The following FOXK2 variants were observed in gnomAD, a reference collection of about 807,000 sequenced individuals.
FOXK2 encodes forkhead box protein K2.
A neutral mutation model predicts 53.3 loss-of-function variants in FOXK2; 24 were observed. The observed-to-expected ratio is 0.45, with a 90% confidence interval of 0.33 to 0.63. The LOEUF is 0.63. FOXK2 is among the 30% of genes least tolerant of loss of function. The pLI is 0.03. For synonymous variants in FOXK2, 505 were observed against 407.1 expected, an observed-to-expected ratio of 1.24 and a Z score of -2.89; for missense variants, 952 against 910.5, an observed-to-expected ratio of 1.05 and a Z score of -0.59.
At chr17:82,520,789 G>C (rs1399146925) in intron 1 of FOXK2, among the ~76,000 whole-genome samples, 1 of 152,232 alleles carries the variant, frequency 6.6e-6, no homozygotes, top group Admixed American at 6.5e-5. Context: ...GCTGTTTCAA[G>C]AGTGCGGTGT....
At chr17:82,584,218 C>T (rs756512375) in intron 6 of FOXK2, 30 bp downstream of exon 6, 4 of 1,554,250 alleles carry the variant, frequency 2.6e-6, no homozygotes, top group African/African-American at 2.7e-5. Flanking sequence ...AGCGAGGGCC[C>T]CAACAGCGTG....
chr17:82,563,869 A>G (rs1303193367), intron 2 of FOXK2, among the ~76,000 whole-genome samples: 1 of 144,080 alleles, frequency 6.9e-6, no homozygotes. Flanking sequence ...CTCCTGCCTT[A>G]GCCTCCTGAG....
intron 8 of FOXK2, chr17:82,593,326 G>C (rs995994264): frequency 6.6e-6 from 1 of 152,122 alleles, no homozygotes; most frequent in Admixed American, 6.5e-5. Context: ...TATTCTGAAA[G>C]GGTACGCAGC....
chr17:82,524,230 A>G (rs1450819219), intron 1 of FOXK2, among the ~76,000 whole-genome samples: 1 of 152,244 alleles, frequency 6.6e-6, no homozygotes, highest in Admixed American at 6.5e-5. Context: ...AGATTTGTCT[A>G]CTAAATTTAA....
At chr17:82,571,060 G>C (rs2044911939) in intron 3 of FOXK2, among the ~76,000 whole-genome samples, 1 of 152,078 alleles carries the variant, frequency 6.6e-6, no homozygotes, top group Admixed American at 6.5e-5. Context: ...GCTTATGCCT[G>C]GGGAGGGGTG....
At chr17:82,555,885 C>CAAAAAAAAAAAAAA (rs71168116) in intron 1 of FOXK2, among the ~76,000 whole-genome samples, 13 of 74,216 alleles carry the variant, frequency 1.8e-4, no homozygotes, top group East Asian at 8.3e-4. Flanking sequence ...GACTCTATCA[C>CAAAAAAAAAAAAAA]AAAAAAAAAA....
At chr17:82,553,326 C>T (rs942896221) in intron 1 of FOXK2, among the ~76,000 whole-genome samples, 8 of 152,232 alleles carry the variant, frequency 5.3e-5, no homozygotes, top group African/African-American at 1.9e-4. Context: ...CAGAAAAGGA[C>T]GTCAGGAGTC....
rs1362489813 is a variant in FOXK2, at chr17:82,519,983, C to G, written c.95C>G (p.Pro32Arg). The change falls in exon 1 of 9, where the codon CCG (proline) becomes CGG (arginine). Residue 32 changes from proline to arginine, a missense_variant. This residue lies in a region of FOXK2 where 163 missense variants were observed against 165.5 expected (regional missense o/e 0.98). Coordinates refer to ENST00000335255, the MANE Select transcript of FOXK2 (RefSeq NM_004514.4). ...GGGGCCGGGGGCGGCGGGTCCCCGC[C>G]GGGCGGCTGGGCCGTGGCGCGCCTG... ...GGGAGGGGSPPGGWAVARLEG... is the reference protein window; with the variant it reads ...GGGAGGGGSPRGGWAVARLEG... 8.3e-6 allele frequency: 11 copies of G among 1,322,426 alleles called. No individual in the cohort carries two copies. The highest frequency in any genetic ancestry group is 1.1e-5 in the Non-Finnish European group (11 of 1,026,620). The allele number at this position is 1,322,426 out of a possible 1,614,324, so 81.9% of individuals were successfully genotyped here.
In FOXK2 at chr17:82,586,139, A is replaced by G. The variant is rs188729988; in HGVS notation, c.1515A>G (p.Ala505=). Residue 505 remains alanine, a synonymous_variant, in exon 7 of 9, where the codon GCA becomes GCG. Transcript: ENST00000335255. ...TVSGQAVVTP[A]AVLAPPKAEA... ...CTGGACAAGCTGTGGTCACCCCGGC[A>G]GCCGTGCTGGCCCCTCCTAAGGCAG... 1.2e-6 allele frequency: 2 copies of G among 1,612,594 alleles called. No individual in the cohort carries two copies.
chr17:82,555,885 C>CAAAAAAAAAA (rs71168116), intron 1 of FOXK2, among the ~76,000 whole-genome samples: 31 of 74,236 alleles, frequency 4.2e-4, no homozygotes, highest in Middle Eastern at 0.01. Context: ...GACTCTATCA[C>CAAAAAAAAAA]AAAAAAAAAA....
In FOXK2 at chr17:82,554,330, A is replaced by C. The variant is rs554165673; in HGVS notation, c.420-9024A>C. ...TGCAACAAAGTCTGGCTTTGTTCCT[A>C]AGGAACCTGTCTTTGGAGTCCTTAG... On this transcript the variant is annotated intron_variant, in intron 1 of 8. Coordinates refer to ENST00000335255, the MANE Select transcript of FOXK2 (RefSeq NM_004514.4). 2.0e-5 allele frequency among the ~76,000 whole-genome samples: 3 copies of C among 152,276 alleles called. No homozygotes were observed. The South Asian group carries it at 6.2e-4, about 32-fold the overall frequency.
intron 8 of FOXK2, chr17:82,587,581 C>T (rs1208262034): frequency 1.7e-5 from 7 of 418,312 alleles, no homozygotes; most frequent in African/African-American, 6.1e-5. Flanking sequence ...CGGGAGCCGC[C>T]GCGTGTCTTT....
At chr17:82,572,850 A>G (rs1379452786) in intron 4 of FOXK2, among the ~76,000 whole-genome samples, 2 of 152,138 alleles carry the variant, frequency 1.3e-5, no homozygotes, top group African/African-American at 2.4e-5. Flanking sequence ...TTGAAGGGGA[A>G]AAACCTTTTT....
chr17:82,586,153 C>G lies in FOXK2; in HGVS notation c.1529C>G (p.Pro510Arg). ...GTCACCCCGGCAGCCGTGCTGGCCC[C>G]TCCTAAGGCAGAGGCCCAGGAGAAT... ...AVVTPAAVLA[P>R]PKAEAQENGD... Residue 510 changes from proline to arginine, a missense_variant, in exon 7 of 9, where the codon CCT (proline) becomes CGT (arginine). Physicochemically the swap from Pro to Arg is moderately radical, Grantham distance 103 (BLOSUM62 -2). This residue lies in a region of FOXK2 where 551 missense variants were observed against 385.1 expected (regional missense o/e 1.43). Transcript: ENST00000335255. 1 of 1,612,160 alleles carries G rather than the reference C, an allele frequency of 6.2e-7. No homozygotes were observed.
At chr17:82,531,796 G>A (rs1162514815) in intron 1 of FOXK2, among the ~76,000 whole-genome samples, 1 of 152,224 alleles carries the variant, frequency 6.6e-6, no homozygotes, top group Non-Finnish European at 1.5e-5. Context: ...GGCCTAGGAC[G>A]TGACTGTACA....
chr17:82,595,594 C>T (rs975778426), intron 8 of FOXK2, among the ~76,000 whole-genome samples: 8 of 152,214 alleles, frequency 5.3e-5, no homozygotes, highest in African/African-American at 1.2e-4. Flanking sequence ...TGAGCCACCG[C>T]GCCCAGCCTT....
At chr17:82,548,749 A>G (rs79041269) in intron 1 of FOXK2, among the ~76,000 whole-genome samples, 1 of 152,222 alleles carries the variant, frequency 6.6e-6, no homozygotes, top group Non-Finnish European at 1.5e-5. Flanking sequence ...GCGCTGTCCC[A>G]CAGCCTCTCC....
chr17:82,522,041 CT>C (rs924582731), intron 1 of FOXK2, among the ~76,000 whole-genome samples: 1,640 of 107,244 alleles, frequency 0.015, 16 homozygotes, highest in African/African-American at 0.049. Context: ...TTTAATCTGA[CT>C]TTTTTTTTTT....
chr17:82,588,823 G>C (rs1449632473), intron 8 of FOXK2, among the ~76,000 whole-genome samples: 2 of 151,324 alleles, frequency 1.3e-5, no homozygotes, highest in African/African-American at 4.9e-5. Context: ...GGTCGAGGTG[G>C]GTGGATCACG....
Sources: allele counts gnomAD v4.1 joint callset (sites outside exome capture counted in the v4.1 genomes callset), GRCh38; gene constraint gnomAD v4.1.1; regional missense constraint gnomAD v4.1.1; transcripts MANE v1.5; gene names NCBI Gene and HGNC (gene_info 2026-07-23, HGNC 2026-07-21).